The following VRK3 variants were observed in gnomAD, a reference collection of about 807,000 sequenced individuals.
VRK3 encodes serine/threonine-protein kinase VRK3.
VRK3 carries 50 observed loss-of-function variants against 60.4 expected under a neutral mutation model. That is an observed-to-expected ratio of 0.83 (90% CI 0.66 to 1.05). VRK3 has a LOEUF of 1.05. Among genes scored for constraint, VRK3 ranks in the 50% least tolerant of loss-of-function variants. VRK3 has a pLI of 0.00. For synonymous variants in VRK3, 246 were observed against 227.8 expected, an observed-to-expected ratio of 1.08 and a Z score of -0.72; for missense variants, 549 against 585.3, an observed-to-expected ratio of 0.94 and a Z score of 0.64.
At chr19:49,976,808 T>TA (rs1161866510) in intron 14 of VRK3, 24 bp from the exon 15 acceptor site, 4 of 152,214 alleles carry the variant, frequency 2.6e-5, no homozygotes, top group Non-Finnish European at 5.9e-5. Context: ...AAAATGCTGT[T>TA]AGTGTCTCAT....
chr19:50,014,140 A>G (rs2077037858), intron 3 of VRK3, among the ~76,000 whole-genome samples: 1 of 152,010 alleles, frequency 6.6e-6, no homozygotes, highest in Non-Finnish European at 1.5e-5. Context: ...GGTGGTACAT[A>G]CCTGTAATCC....
intron 5 of VRK3, among the ~76,000 whole-genome samples, chr19:50,006,929 G>A (rs965439985): frequency 2.6e-5 from 4 of 152,084 alleles, no homozygotes; most frequent in African/African-American, 9.7e-5. Context: ...GCAAGCTTGG[G>A]TGCTCCCTCC....
chr19:50,020,956 A>T (rs529171878), intron 1 of VRK3, among the ~76,000 whole-genome samples: 3 of 152,326 alleles, frequency 2.0e-5, no homozygotes, highest in African/African-American at 7.2e-5. Context: ...AGGACAATAA[A>T]GTACCATAGA....
chr19:49,981,556 A>AT, intron 12 of VRK3: 1 of 513,542 alleles, frequency 1.9e-6, no homozygotes, highest in Non-Finnish European at 2.5e-6. Context: ...AAAACAAAAC[A>AT]AAACAAAACA....
At chr19:49,996,845 G>A (rs985872468) in intron 7 of VRK3, among the ~76,000 whole-genome samples, 3 of 151,302 alleles carry the variant, frequency 2.0e-5, no homozygotes, top group African/African-American at 7.3e-5. Flanking sequence ...TTGAACTCCT[G>A]ACCTCAGGTG....
chr19:50,012,924 T>C (rs1197485038), intron 3 of VRK3, among the ~76,000 whole-genome samples: 2 of 150,264 alleles, frequency 1.3e-5, no homozygotes, highest in African/African-American at 4.9e-5. Context: ...TCCCAGCACT[T>C]TGGGAGGCCG....
At chr19:49,996,487 CAG>C (rs1458975644) in intron 7 of VRK3, among the ~76,000 whole-genome samples, 2 of 152,172 alleles carry the variant, frequency 1.3e-5, no homozygotes, top group Non-Finnish European at 2.9e-5. Context: ...TCTCACCACA[CAG>C]AGACAATAGT....
chr19:49,980,912 C>T, intron 13 of VRK3, 43 bp downstream of exon 13: 3 of 1,578,052 alleles, frequency 1.9e-6, no homozygotes, highest in Middle Eastern at 1.7e-4. Context: ...GCCACCAGGT[C>T]CTGCCCGAGT....
At chr19:50,010,119 A>G (rs574217524) in intron 3 of VRK3, among the ~76,000 whole-genome samples, 31 of 152,250 alleles carry the variant, frequency 2.0e-4, no homozygotes, top group African/African-American at 7.5e-4. Flanking sequence ...ACACACATAC[A>G]CATATATACA....
At chr19:49,978,842 T>C in intron 14 of VRK3, 2 of 399,628 alleles carry the variant, frequency 5.0e-6, no homozygotes, top group Non-Finnish European at 8.9e-6. Context: ...TGTAATTTTC[T>C]AGCTACAACA....
rs2077070586 is a variant in VRK3 at position 50,016,032 on chromosome 19, G to A, written c.131C>T (p.Ser44Phe). Residue 44 changes from serine to phenylalanine, a missense_variant, in exon 3 of 15, where the codon TCC (serine) becomes TTC (phenylalanine). Ser to Phe is a radical substitution (Grantham distance 155, BLOSUM62 -2). Transcript: ENST00000316763. Reference protein sequence around the residue: ...SQTFVNPHVSSFQGSKRGLNS... With the variant: ...SQTFVNPHVSFFQGSKRGLNS... ...AATGCTCTGGTTCTTACCTTGGAAG[G>A]ATGACACATGTGGATTGACAAAGGT... 1 of 1,614,064 alleles carries A rather than the reference G, an allele frequency of 6.2e-7. No individual in the cohort carries two copies. The highest frequency in any genetic ancestry group is 1.1e-5 in the South Asian group (1 of 91,080).
At chr19:50,021,933 G>A (rs943488326) in intron 1 of VRK3, among the ~76,000 whole-genome samples, 1 of 152,214 alleles carries the variant, frequency 6.6e-6, no homozygotes, top group Non-Finnish European at 1.5e-5. Context: ...GAGAAGCAGA[G>A]GCTCAGAGAG....
At position 49,988,475 on chromosome 19, in the gene VRK3, C is replaced by A; in HGVS notation, c.1114G>T (p.Asp372Tyr). ...ATGCAGTAGCCCAGGCTCTGGAGGT[C>A]GCTGCGGCGGGAGGGCCCTGGGGAA... ...HKGCGPSRRS[D>Y]LQSLGYCMLK... The change falls in exon 12 of 15, where the codon GAC (aspartate) becomes TAC (tyrosine). Residue 372 changes from aspartate to tyrosine, a missense_variant. Asp to Tyr is a radical substitution (Grantham distance 160). Coordinates refer to ENST00000316763, the MANE Select transcript of VRK3 (RefSeq NM_016440.4). 2 of 1,613,298 alleles carry A rather than the reference C, an allele frequency of 1.2e-6. No individual in the cohort carries two copies. Among genetic ancestry groups the A allele is most frequent in the South Asian group, 2.2e-5 (2 of 90,986 alleles).
chr19:50,017,907 G>A (rs896208466), intron 2 of VRK3, among the ~76,000 whole-genome samples: 2 of 152,008 alleles, frequency 1.3e-5, no homozygotes, highest in Non-Finnish European at 2.9e-5. Context: ...GCAATCCTCC[G>A]GCCTCAGCCT....
intron 12 of VRK3, 173 bp from the exon 13 acceptor site, chr19:49,981,186 C>CG: frequency 1.5e-6 from 1 of 647,044 alleles, no homozygotes; most frequent in South Asian, 1.8e-5. Flanking sequence ...AATCCACTAC[C>CG]ATTGCTCCCA....
At chr19:49,993,069 T>G (rs746910080) in intron 9 of VRK3, 117 bp from the exon 10 acceptor site, 3 of 909,292 alleles carry the variant, frequency 3.3e-6, no homozygotes, top group Non-Finnish European at 5.1e-6. Flanking sequence ...ACACTGTGAC[T>G]GGGGGTTAAA....
At chr19:50,012,241 G>A (rs913432301) in intron 3 of VRK3, among the ~76,000 whole-genome samples, 2 of 152,100 alleles carry the variant, frequency 1.3e-5, no homozygotes, top group Admixed American at 1.3e-4. Context: ...CAAAGTGCTG[G>A]GATTACATGC....
chr19:49,988,626 C>A (rs2076558840), intron 11 of VRK3, 134 bp from the exon 12 acceptor site: 7 of 1,224,074 alleles, frequency 5.7e-6, no homozygotes, highest in Non-Finnish European at 6.6e-6. Flanking sequence ...GCCATATGGG[C>A]TGTCTCCTCC....
intron 2 of VRK3, 138 bp from the exon 3 acceptor site, chr19:50,016,301 C>T: frequency 1.8e-6 from 2 of 1,137,226 alleles, no homozygotes; most frequent in Non-Finnish European, 2.5e-6. Context: ...ATGTTCACTT[C>T]TTAAAACATG....
Sources: gnomAD v4.1 joint callset for allele counts (sites outside exome capture counted in the v4.1 genomes callset) on GRCh38, gnomAD v4.1.1 for gene constraint, MANE v1.5 for transcripts, NCBI Gene and HGNC (gene_info 2026-07-23, HGNC 2026-07-21) for gene names.